FGF5: variants seen among roughly 807,000 people sequenced by gnomAD.
FGF5 encodes fibroblast growth factor 5.
In FGF5, 23 loss-of-function variants were observed where a neutral mutation model predicts 21.8. That is an observed-to-expected ratio of 1.05 (90% CI 0.76 to 1.49). The LOEUF is 1.49. FGF5 is among the 40% of genes most tolerant of loss of function. The pLI is 0.00. For missense variants in FGF5, 352 were observed against 332.9 expected (o/e 1.06, Z -0.45); for synonymous variants, 158 against 124.0 (o/e 1.27, Z -1.82).
intron 1 of FGF5, among the ~76,000 whole-genome samples, chr4:80,272,425 A>T (rs952031161): frequency 2.6e-5 from 4 of 152,172 alleles, no homozygotes; most frequent in Non-Finnish European, 5.9e-5. Context: ...CACAGAGTGT[A>T]CACTGTATTG....
At position 80,286,594 on chromosome 4, in the gene FGF5, C is replaced by T. The variant is rs754827925; in HGVS notation, c.729C>T (p.Ile243=). Residue 243 remains isoleucine, a synonymous_variant, in exon 3 of 3, where the codon ATC becomes ATT. Transcript: ENST00000312465. ...AAAAGAAAAAGCCACCTAGCCCTAT[C>T]AAGCCAAAGATTCCCCTTTCTGCAC... The part of the protein sequence containing the change: ...VPEKKKPPSP[I]KPKIPLSAPR... 3.7e-6 allele frequency: 6 copies of T among 1,613,952 alleles called. No individual in the cohort carries two copies. In the East Asian group the frequency reaches 1.3e-4, roughly 36 times the overall value.
chr4:80,270,382 C>G (rs1276908071), intron 1 of FGF5, among the ~76,000 whole-genome samples: 1 of 135,102 alleles, frequency 7.4e-6, no homozygotes, highest in Non-Finnish European at 1.6e-5. Flanking sequence ...TTTTTTTTTG[C>G]AAATTGCAAA....
intron 2 of FGF5, among the ~76,000 whole-genome samples, chr4:80,283,197 G>A (rs1014551204): frequency 1.3e-5 from 2 of 152,188 alleles, no homozygotes; most frequent in African/African-American, 4.8e-5. Flanking sequence ...GTCTAACTGC[G>A]TTTACTCCCG....
intron 1 of FGF5, 42 bp from the exon 2 acceptor site, chr4:80,274,867 A>C: frequency 1.2e-6 from 1 of 832,240 alleles, no homozygotes. Context: ...CAATGATATA[A>C]ATAAGAGCCT....
Position 80,266,863 on chromosome 4 carries a change from C to T in FGF5, c.39C>T (p.His13=). Residue 13 remains histidine (H), a synonymous_variant, in exon 1 of 3, where the codon CAC becomes CAT. Coordinates refer to ENST00000312465, the MANE Select transcript of FGF5 (RefSeq NM_004464.4). ...LSFLLLLFFS[H]LILSAWAHGE... ...TCCTCCTCCTCCTCTTCTTCAGCCA[C>T]CTGATCCTCAGCGCCTGGGCTCACG... The T allele has an allele frequency of 6.2e-7, 1 of 1,609,554 alleles. No individual in the cohort carries two copies. Among genetic ancestry groups the T allele is most frequent in the Non-Finnish European group, 8.5e-7 (1 of 1,178,006 alleles).
chr4:80,285,846 GA>G (rs571889444), intron 2 of FGF5, among the ~76,000 whole-genome samples: 1 of 151,962 alleles, frequency 6.6e-6, no homozygotes, highest in East Asian at 1.9e-4. Flanking sequence ...TGATAACATT[GA>G]AAAAATGCAA....
chr4:80,281,745 GA>G lies in FGF5; in HGVS notation c.460-4579del, dbSNP rs755624088. 5.9e-5 allele frequency among the ~76,000 whole-genome samples: 9 copies of G among 152,108 alleles called. No individual in the cohort carries two copies. In the East Asian group the frequency reaches 1.3e-3, roughly 23 times the overall value. On this transcript the variant is annotated intron_variant, in intron 2 of 2. Transcript: ENST00000312465. ...AAACCACAAGAAGGGATTTTAGAGA[GA>G]TTTTTTTAAACAATATCATTTTGGA...
chr4:80,286,607 C>A lies in FGF5; in HGVS notation c.742C>A (p.Pro248Thr), dbSNP rs777203075. The A allele has an allele frequency of 6.2e-7, 1 of 1,613,948 alleles. No homozygotes were observed. The highest frequency in any genetic ancestry group is 8.5e-7 in the Non-Finnish European group (1 of 1,179,978). Residue 248 changes from proline (P) to threonine (T), a missense_variant, in exon 3 of 3, where the codon CCC becomes ACC. By Grantham distance (38) the Pro-to-Thr change is conservative. Coordinates refer to ENST00000312465, the MANE Select transcript of FGF5 (RefSeq NM_004464.4). ...ACCTAGCCCTATCAAGCCAAAGATT[C>A]CCCTTTCTGCACCTCGGAAAAATAC... is the stretch of plus-strand genomic sequence containing the variant. ...KPPSPIKPKI[P>T]LSAPRKNTNS...
chr4:80,285,928 T>C (rs1720700437), intron 2 of FGF5, among the ~76,000 whole-genome samples: 1 of 152,204 alleles, frequency 6.6e-6, no homozygotes, highest in East Asian at 1.9e-4. Flanking sequence ...GGCAATCATT[T>C]CTTAGTAATA....
At chr4:80,269,580 G>A (rs1720210477) in intron 1 of FGF5, among the ~76,000 whole-genome samples, 1 of 152,098 alleles carries the variant, frequency 6.6e-6, no homozygotes, top group Admixed American at 6.5e-5. Context: ...AAGAGAACAG[G>A]GATGTTTCCT....
At chr4:80,274,742 C>T (rs187824616) in intron 1 of FGF5, among the ~76,000 whole-genome samples, 167 bp from the exon 2 acceptor site, 44 of 152,092 alleles carry the variant, frequency 2.9e-4, no homozygotes, top group Admixed American at 2.1e-3. Flanking sequence ...TCCTAGCCTT[C>T]TTTGTTTTTA....
Position 80,281,637 on chromosome 4 carries a change from G to A in FGF5, c.460-4688G>A, listed in dbSNP as rs577879131. ...TACATATTTAGTTCTGTAGTTGCAC[G>A]CAAGAGTCGGTATTTGCACAGCTTT... On this transcript the variant is annotated intron_variant, in intron 2 of 2. Transcript: ENST00000312465. Among the ~76,000 whole-genome samples the A allele has an allele frequency of 6.2e-4, 95 of 152,194 alleles. 1 individual carries two copies. The highest frequency in any genetic ancestry group is 6.8e-3 in the Middle Eastern group (2 of 294).
At chr4:80,271,821 T>A (rs1720279084) in intron 1 of FGF5, among the ~76,000 whole-genome samples, 1 of 152,014 alleles carries the variant, frequency 6.6e-6, no homozygotes, top group Non-Finnish European at 1.5e-5. Context: ...TTACTGAAAT[T>A]AAAAAAAATC....
At chr4:80,268,701 T>C (rs977658846) in intron 1 of FGF5, 1 of 244,456 alleles carries the variant, frequency 4.1e-6, no homozygotes, top group African/African-American at 2.3e-5. Context: ...CTGATCGCGC[T>C]GATTCAGCAG....
intron 1 of FGF5, 121 bp downstream of exon 1, chr4:80,267,300 T>C: frequency 1.3e-6 from 1 of 778,862 alleles, no homozygotes; most frequent in Non-Finnish European, 2.0e-6. Context: ...GGGACCAAGC[T>C]GATACTCAGA....
chr4:80,280,554 A>G (rs1046923730), intron 2 of FGF5, among the ~76,000 whole-genome samples: 3 of 152,218 alleles, frequency 2.0e-5, no homozygotes, highest in Admixed American at 6.5e-5. Flanking sequence ...CAGAAGATGC[A>G]ATTTAAATCA....
rs1307908445 is a variant in FGF5 at position 80,290,424 on chromosome 4, T to G, written c.*3752T>G. On this transcript the variant is annotated 3_prime_UTR_variant, in exon 3 of 3. Transcript: ENST00000312465. ...GTATTAGCAGAGACAAAGAGTTACC[T>G]CCTCCATCTTACTCTGCCCTATTTG... The G allele has an allele frequency of 4.6e-5, 7 of 152,076 alleles. No homozygotes were observed. The highest frequency in any genetic ancestry group is 1.0e-4 in the Non-Finnish European group (7 of 68,012). 9.4% of individuals were successfully genotyped at this position (152,076 alleles called of 1,614,324 possible). A position where few individuals can be genotyped will look rare whatever the true frequency, so the allele number is the denominator to read the frequency against.
chr4:80,267,219 C>G, intron 1 of FGF5, 40 bp downstream of exon 1: 2 of 1,511,176 alleles, frequency 1.3e-6, no homozygotes, highest in Non-Finnish European at 1.8e-6. Flanking sequence ...TCCTAGGCGG[C>G]CGCGGAAGAT....
intron 1 of FGF5, among the ~76,000 whole-genome samples, chr4:80,273,088 A>G (rs1022651624): frequency 1.3e-5 from 2 of 152,014 alleles, no homozygotes; most frequent in Admixed American, 6.5e-5. Flanking sequence ...CTTTAGAAGC[A>G]CACTCAAACA....
Sources: allele counts gnomAD v4.1 joint callset (sites outside exome capture counted in the v4.1 genomes callset), GRCh38; gene constraint gnomAD v4.1.1; transcripts MANE v1.5; gene names NCBI Gene and HGNC (gene_info 2026-07-23, HGNC 2026-07-21).